THSD7B: variants seen among roughly 807,000 people sequenced by gnomAD.
The protein encoded by THSD7B is thrombospondin type-1 domain-containing protein 7B.
In THSD7B, 138 loss-of-function variants were observed where a neutral mutation model predicts 213.6. That is an observed-to-expected ratio of 0.65 (90% confidence interval 0.56 to 0.74). THSD7B has a LOEUF of 0.74. Ranked by LOEUF, THSD7B falls within the 30% of genes least tolerant of loss-of-function variation. THSD7B has a pLI of 0.00. For missense variants in THSD7B, 1,931 were observed against 1,991.5 expected, an observed-to-expected ratio of 0.97 and a Z score of 0.58; for synonymous variants, 742 against 687.0, an observed-to-expected ratio of 1.08 and a Z score of -1.25.
At chr2:137,152,446 G>A (rs1240845577) in intron 5 of THSD7B, among the ~76,000 whole-genome samples, 1 of 152,100 alleles carries the variant, frequency 6.6e-6, no homozygotes, top group Non-Finnish European at 1.5e-5. Flanking sequence ...AAAGGATATG[G>A]AGATTTAAGA....
intron 1 of THSD7B, among the ~76,000 whole-genome samples, chr2:136,796,985 C>CACACACACACACACAA (rs1366605757): frequency 3.5e-5 from 3 of 85,298 alleles, no homozygotes; most frequent in Non-Finnish European, 7.6e-5. Context: ...TTTGATCACA[C>CACACACACACACACAA]ACACACACAC....
At chr2:137,555,724 T>C (rs963748361) in intron 15 of THSD7B, among the ~76,000 whole-genome samples, 1 of 152,054 alleles carries the variant, frequency 6.6e-6, no homozygotes, top group Non-Finnish European at 1.5e-5. Flanking sequence ...AGAAGAAGGC[T>C]TCAGATGACT....
rs940724686 is a variant in THSD7B, at chr2:137,202,025, T to C, written c.1724-29019T>C. Among the ~76,000 whole-genome samples, 3 of 152,144 alleles carry C rather than the reference T, an allele frequency of 2.0e-5. No individual in the cohort carries two copies. The South Asian group carries it at 6.2e-4, about 31-fold the overall frequency. On this transcript the variant is annotated intron_variant, in intron 7 of 27. Transcript: ENST00000409968. ...ATTCTCTATAGATTCTGGATCTGGG[T>C]CCTTTGCTGCACATCATCTTTTCTC...
At chr2:137,418,033 T>C (rs749349319) in intron 14 of THSD7B, among the ~76,000 whole-genome samples, 1 of 152,224 alleles carries the variant, frequency 6.6e-6, no homozygotes, top group African/African-American at 2.4e-5. Context: ...GAGATTTGCA[T>C]TGACAAGATA....
intron 1 of THSD7B, among the ~76,000 whole-genome samples, chr2:136,817,305 TG>T (rs1347379735): frequency 5.9e-5 from 9 of 151,636 alleles, no homozygotes; most frequent in African/African-American, 2.2e-4. Flanking sequence ...TCTCCCATTT[TG>T]TAGGTTGCCT....
intron 2 of THSD7B, among the ~76,000 whole-genome samples, chr2:136,904,097 CT>C (rs1336199407): frequency 1.3e-5 from 2 of 151,976 alleles, no homozygotes; most frequent in East Asian, 3.9e-4. Flanking sequence ...AAGAGGAGGC[CT>C]TTTATGGGCA....
At chr2:137,114,167 C>T (rs1270785710) in intron 4 of THSD7B, among the ~76,000 whole-genome samples, 1 of 152,090 alleles carries the variant, frequency 6.6e-6, no homozygotes, top group East Asian at 1.9e-4. Context: ...AATCACAAAA[C>T]TGATAAATTT....
At chr2:137,459,929 C>G (rs1364388554) in intron 15 of THSD7B, among the ~76,000 whole-genome samples, 1 of 152,082 alleles carries the variant, frequency 6.6e-6, no homozygotes, top group Non-Finnish European at 1.5e-5. Context: ...TCTGATCAGG[C>G]AGGTTTGTGA....
chr2:137,543,981 G>A (rs1680653372), intron 15 of THSD7B, among the ~76,000 whole-genome samples: 1 of 151,788 alleles, frequency 6.6e-6, no homozygotes, highest in Non-Finnish European at 1.5e-5. Flanking sequence ...TGGTGAAGAT[G>A]TTGAGTAATT....
intron 15 of THSD7B, among the ~76,000 whole-genome samples, chr2:137,516,479 G>A: frequency 6.6e-6 from 1 of 152,142 alleles, no homozygotes; most frequent in East Asian, 1.9e-4. Flanking sequence ...CAGGGTAACT[G>A]CACTGGGGAA....
chr2:137,214,273 A>T (rs1681184132), intron 7 of THSD7B, among the ~76,000 whole-genome samples: 1 of 152,046 alleles, frequency 6.6e-6, no homozygotes, highest in Admixed American at 6.5e-5. Flanking sequence ...CATCTTCCTT[A>T]TGTTTACAAC....
intron 6 of THSD7B, among the ~76,000 whole-genome samples, chr2:137,169,619 G>A (rs1680203426): frequency 6.6e-6 from 1 of 152,146 alleles, no homozygotes; most frequent in East Asian, 1.9e-4. Flanking sequence ...TTCTTAAAAT[G>A]TTATTCATGC....
At chr2:137,119,309 C>G (rs1013244453) in intron 5 of THSD7B, among the ~76,000 whole-genome samples, 6 of 152,194 alleles carry the variant, frequency 3.9e-5, no homozygotes, top group Admixed American at 3.9e-4. Flanking sequence ...ATGAGTTAGT[C>G]TATGCACTAA....
chr2:137,196,895 C>T (rs1680776730), intron 7 of THSD7B, among the ~76,000 whole-genome samples: 1 of 152,112 alleles, frequency 6.6e-6, no homozygotes, highest in Admixed American at 6.6e-5. Flanking sequence ...GATATTCAAA[C>T]TGTAATCAAA....
intron 17 of THSD7B, among the ~76,000 whole-genome samples, chr2:137,583,611 T>A (rs530676816): frequency 6.6e-6 from 1 of 152,266 alleles, no homozygotes; most frequent in South Asian, 2.1e-4. Context: ...TTCCCCATTA[T>A]TTGTTTTTCT....
At chr2:137,668,901 G>A (rs757855691) in intron 27 of THSD7B, among the ~76,000 whole-genome samples, 1 of 152,150 alleles carries the variant, frequency 6.6e-6, no homozygotes, top group African/African-American at 2.4e-5. Flanking sequence ...GGCTGAGGAG[G>A]AGGAGGAAGA....
At chr2:136,969,699 G>C (rs1378721145) in intron 2 of THSD7B, among the ~76,000 whole-genome samples, 4 of 152,148 alleles carry the variant, frequency 2.6e-5, no homozygotes, top group African/African-American at 7.2e-5. Context: ...CATTAGGCAG[G>C]AGATAGAAGA....
intron 5 of THSD7B, among the ~76,000 whole-genome samples, chr2:137,152,006 A>ATTT (rs201462563): frequency 8.7e-5 from 12 of 137,642 alleles, no homozygotes; most frequent in Non-Finnish European, 1.4e-4. Flanking sequence ...AGCTACCTTA[A>ATTT]TTTTTTTTTT....
chr2:137,630,922 T>A (rs187714466), intron 20 of THSD7B, among the ~76,000 whole-genome samples: 2 of 152,314 alleles, frequency 1.3e-5, no homozygotes, highest in African/African-American at 4.8e-5. Flanking sequence ...CAATTATCTT[T>A]TTTTCTGCAT....
Sources: allele counts gnomAD v4.1 joint callset (sites outside exome capture counted in the v4.1 genomes callset), GRCh38; gene constraint gnomAD v4.1.1; transcripts MANE v1.5; gene names NCBI Gene and HGNC (gene_info 2026-07-23, HGNC 2026-07-21).